Variants in EML6 observed in about 807,000 individuals in gnomAD.
EML6 encodes EMAP like 6.
EML6 carries 154 observed loss-of-function variants against 240.1 expected under a neutral mutation model. That is an observed-to-expected ratio of 0.64 (90% CI 0.56 to 0.73). EML6 has a LOEUF of 0.73. Ranked by LOEUF, EML6 falls within the 30% of genes least tolerant of loss-of-function variation. The pLI is 0.00. For missense variants in EML6, 2,964 were observed against 2,474.6 expected, an observed-to-expected ratio of 1.20 and a Z score of -4.20; for synonymous variants, 1,148 against 899.0, an observed-to-expected ratio of 1.28 and a Z score of -4.95.
intron 16 of EML6, 103 bp from the exon 17 acceptor site, chr2:54,879,444 A>G (rs2103975805): frequency 1.3e-6 from 1 of 745,504 alleles, no homozygotes; most frequent in African/African-American, 1.8e-5. Context: ...CACCTCAAAT[A>G]TTTATCAGTT....
chr2:54,836,370 C>G (rs184991933), intron 7 of EML6, among the ~76,000 whole-genome samples: 90 of 152,310 alleles, frequency 5.9e-4, no homozygotes, highest in East Asian at 1.4e-3. Flanking sequence ...TTTCACAGTT[C>G]CCGTGGCTGT....
chr2:54,924,259 G>A (rs191844904), intron 26 of EML6, among the ~76,000 whole-genome samples: 12 of 152,064 alleles, frequency 7.9e-5, no homozygotes, highest in Non-Finnish European at 1.0e-4. Context: ...GCTGATATTC[G>A]ATCTTGTCAG....
chr2:54,902,956 C>A, intron 22 of EML6, 88 bp from the exon 23 acceptor site: 1 of 1,211,290 alleles, frequency 8.3e-7, no homozygotes, highest in Non-Finnish European at 1.2e-6. Context: ...ATACATAATG[C>A]ACATCATCAG....
chr2:54,806,157 C>G (rs1384500999), intron 2 of EML6, among the ~76,000 whole-genome samples: 2 of 151,896 alleles, frequency 1.3e-5, no homozygotes, highest in African/African-American at 2.4e-5. Context: ...GTATATATGT[C>G]TATATTTTAG....
chr2:54,796,933 G>A (rs566752855), intron 2 of EML6, among the ~76,000 whole-genome samples: 1 of 151,892 alleles, frequency 6.6e-6, no homozygotes, highest in African/African-American at 2.4e-5. Flanking sequence ...GAGAGGCCGA[G>A]GTGGGCAATC....
At chr2:54,771,137 C>G (rs940030366) in intron 2 of EML6, among the ~76,000 whole-genome samples, 1 of 152,074 alleles carries the variant, frequency 6.6e-6, no homozygotes, top group African/African-American at 2.4e-5. Context: ...TGTCATCCAG[C>G]CTATGTAATT....
chr2:54,954,185 C>T (rs1299764148), intron 32 of EML6, 29 bp downstream of exon 32: 1 of 1,541,106 alleles, frequency 6.5e-7, no homozygotes, highest in East Asian at 2.5e-5. Flanking sequence ...TTCTGTCCCT[C>T]CAGGGTGTCT....
At chr2:54,952,751 C>A (rs1676045817) in intron 31 of EML6, 59 bp downstream of exon 31, 1 of 1,177,816 alleles carries the variant, frequency 8.5e-7, no homozygotes, top group Admixed American at 2.0e-5. Flanking sequence ...GACCTGTCAG[C>A]AATTATTGGG....
At chr2:54,853,265 T>C (rs1178389579) in intron 10 of EML6, among the ~76,000 whole-genome samples, 2 of 152,228 alleles carry the variant, frequency 1.3e-5, no homozygotes, top group African/African-American at 4.8e-5. Flanking sequence ...ACCATCTGTA[T>C]CAAGGTAATT....
In EML6 at chr2:54,879,616, A is replaced by T; in HGVS notation, c.2414A>T (p.Lys805Met). 1 of 1,547,958 alleles carries T rather than the reference A, an allele frequency of 6.5e-7. No individual in the cohort carries two copies. Among genetic ancestry groups the T allele is most frequent in the East Asian group, 2.4e-5 (1 of 40,870 alleles). The change falls in exon 17 of 42, where the codon AAG (lysine) becomes ATG (methionine). Residue 805 changes from lysine to methionine, a missense_variant. Transcript: ENST00000356458. ...FHSIVFWDWK[K>M]GEKIATTRGH... ...AGTATTGTATTTTGGGACTGGAAAA[A>T]GGGAGAAAAGATAGCCACAACAAGG...
chr2:54,966,892 AG>A, intron 38 of EML6, 107 bp from the exon 39 acceptor site: 2 of 665,542 alleles, frequency 3.0e-6, no homozygotes, highest in Non-Finnish European at 5.2e-6. Flanking sequence ...TTTGGAGAAA[AG>A]CCCTAGGGAT....
At chr2:54,950,967 T>C (rs890032098) in intron 30 of EML6, among the ~76,000 whole-genome samples, 188 bp downstream of exon 30, 2 of 152,110 alleles carry the variant, frequency 1.3e-5, no homozygotes, top group African/African-American at 4.8e-5. Context: ...CCTTCTCTCT[T>C]TCTGACCTGA....
chr2:54,938,683 A>C (rs1490069307), intron 28 of EML6, among the ~76,000 whole-genome samples: 1 of 152,238 alleles, frequency 6.6e-6, no homozygotes, highest in Non-Finnish European at 1.5e-5. Context: ...ACCCTGCCTC[A>C]GGCCCAGGCT....
At chr2:54,798,195 T>A (rs1230849380) in intron 2 of EML6, among the ~76,000 whole-genome samples, 2 of 152,184 alleles carry the variant, frequency 1.3e-5, no homozygotes, top group Non-Finnish European at 2.9e-5. Flanking sequence ...TTTTGTCAGA[T>A]GGAGTCTCGC....
chr2:54,933,567 C>G (rs377637242), intron 28 of EML6, among the ~76,000 whole-genome samples: 1 of 152,048 alleles, frequency 6.6e-6, no homozygotes, highest in East Asian at 1.9e-4. Context: ...AACCCTGTCT[C>G]TCCTAAAAAT....
intron 26 of EML6, among the ~76,000 whole-genome samples, chr2:54,919,172 G>C (rs567849882): frequency 1.3e-5 from 2 of 151,704 alleles, no homozygotes; most frequent in Non-Finnish European, 2.9e-5. Context: ...CAGAGGAAAT[G>C]AGAAATTGAC....
chr2:54,918,247 G>A lies in EML6; in HGVS notation c.3675+1312G>A, dbSNP rs990976907. Reference sequence around the variant, plus strand: ...TGTCATCCTCTGCTTTCACAATCCCGAGTTCTAAATCATAGAAAAAAAGAC... The same window carrying A: ...TGTCATCCTCTGCTTTCACAATCCCAAGTTCTAAATCATAGAAAAAAAGAC... On this transcript the variant is annotated intron_variant, in intron 26 of 41. Coordinates refer to ENST00000356458, the MANE Select transcript of EML6 (RefSeq NM_001039753.4). 1.3e-5 allele frequency among the ~76,000 whole-genome samples: 2 copies of A among 151,936 alleles called. 1 individual carries two copies. The highest frequency in any genetic ancestry group is 4.2e-4 in the South Asian group (2 of 4,808).
At position 54,725,022 on chromosome 2, in the gene EML6, G is replaced by A. The variant is rs771598167; in HGVS notation, c.-40G>A. On this transcript the variant is annotated 5_prime_UTR_variant, in exon 2 of 42. Transcript: ENST00000356458. This position sits in a 1 kb window ranked among gnomAD's most constrained non-coding sequence, Gnocchi z 4.3. ...CCCCAGCCTCGGCGAGGACGGCCCC[G>A]GCGCGCGGGGGGGCGGGGGGCGCGC... The A allele has an allele frequency of 8.2e-6, 12 of 1,460,382 alleles. No homozygotes were observed. The South Asian group carries it at 1.2e-4, about 15-fold the overall frequency. 90.5% of individuals were successfully genotyped at this position (1,460,382 alleles called of 1,614,324 possible).
intron 28 of EML6, among the ~76,000 whole-genome samples, chr2:54,938,459 A>C (rs565922889): frequency 1.3e-5 from 2 of 152,258 alleles, no homozygotes; most frequent in Non-Finnish European, 2.9e-5. Flanking sequence ...AGCCATGCTT[A>C]TTGGCATTTT....
Sources: allele counts gnomAD v4.1 joint callset (sites outside exome capture counted in the v4.1 genomes callset), GRCh38; gene constraint gnomAD v4.1.1; non-coding constraint Gnocchi (gnomAD v3.1); transcripts MANE v1.5; gene names NCBI Gene and HGNC (gene_info 2026-07-23, HGNC 2026-07-21).